CAPZB: variants seen among roughly 807,000 people sequenced by gnomAD.
CAPZB encodes the protein capping actin protein of muscle Z-line subunit beta, also known as F-actin-capping protein subunit beta.
A neutral mutation model predicts 38.1 loss-of-function variants in CAPZB; 2 were observed. The observed-to-expected ratio is 0.05, with a 90% CI of 0.02 to 0.17. The LOEUF is 0.17. Among genes scored for constraint, CAPZB ranks in the 10% least tolerant of loss-of-function variants. The pLI is 1.00. For synonymous variants in CAPZB, 107 were observed against 127.4 expected, an observed-to-expected ratio of 0.84 and a Z score of 1.08; for missense variants, 161 against 334.2, an observed-to-expected ratio of 0.48 and a Z score of 4.04.
At chr1:19,350,124 G>A (rs559610512) in intron 6 of CAPZB, among the ~76,000 whole-genome samples, 26 of 152,364 alleles carry the variant, frequency 1.7e-4, no homozygotes, top group African/African-American at 6.3e-4. Flanking sequence ...TTTGGAAGCT[G>A]GCAGCCTTTC....
At chr1:19,389,300 C>T (rs749140473) in intron 2 of CAPZB, among the ~76,000 whole-genome samples, 1 of 152,266 alleles carries the variant, frequency 6.6e-6, no homozygotes, top group South Asian at 2.1e-4. Context: ...CGTGCATTCC[C>T]CCACTTAAAC....
Position 19,357,639 on chromosome 1 carries a change from G to T in CAPZB, c.330-76C>A. On this transcript the variant is annotated intron_variant, in intron 4 of 8. Coordinates refer to ENST00000264202, the MANE Select transcript of CAPZB (RefSeq NM_004930.5). The surrounding 1 kb of genome is among the most constrained non-coding windows in gnomAD (Gnocchi z 4.3). ...AGCCTGGGTCCCAGGCTGCTGCTCA[G>T]CAAAGATTCTGGGATTCAGGGCCCT... 2 of 1,492,296 alleles carry T rather than the reference G, an allele frequency of 1.3e-6. No homozygotes were observed. The highest frequency in any genetic ancestry group is 1.2e-5 in the South Asian group (1 of 85,670). The allele number at this position is 1,492,296 out of a possible 1,614,324, so 92.4% of individuals were successfully genotyped here.
chr1:19,439,392 G>T (rs1454874183), intron 1 of CAPZB, among the ~76,000 whole-genome samples: 1 of 152,218 alleles, frequency 6.6e-6, no homozygotes, highest in African/African-American at 2.4e-5. Context: ...TGAATTAAAG[G>T]TCTTTTGTTC....
At chr1:19,477,249 G>C (rs976712756) in intron 1 of CAPZB, among the ~76,000 whole-genome samples, 3 of 152,172 alleles carry the variant, frequency 2.0e-5, no homozygotes, top group African/African-American at 7.2e-5. Context: ...AATGGACTCT[G>C]CTTAACCACA....
chr1:19,415,949 A>G (rs749836108), intron 2 of CAPZB, among the ~76,000 whole-genome samples: 29 of 152,272 alleles, frequency 1.9e-4, no homozygotes, highest in Non-Finnish European at 3.8e-4. Flanking sequence ...TAAAAAATTA[A>G]TGAGAACACC....
intron 1 of CAPZB, among the ~76,000 whole-genome samples, chr1:19,453,156 C>T (rs1345886485): frequency 6.6e-6 from 1 of 152,148 alleles, no homozygotes; most frequent in Non-Finnish European, 1.5e-5. Flanking sequence ...CCCAGATTGA[C>T]ACCTTCCAGC....
At chr1:19,441,925 C>A (rs1473786717) in intron 1 of CAPZB, among the ~76,000 whole-genome samples, 1 of 144,164 alleles carries the variant, frequency 6.9e-6, no homozygotes, top group Non-Finnish European at 1.5e-5. Context: ...AGGAGAATTG[C>A]TTGAACCGGG....
intron 1 of CAPZB, among the ~76,000 whole-genome samples, chr1:19,452,510 G>C (rs1040273110): frequency 2.0e-5 from 3 of 152,178 alleles, no homozygotes; most frequent in Non-Finnish European, 4.4e-5. Context: ...TGAGTTGTGG[G>C]CTGAGCTATC....
chr1:19,478,577 GA>G (rs1487433017), intron 1 of CAPZB, among the ~76,000 whole-genome samples: 4 of 152,206 alleles, frequency 2.6e-5, no homozygotes, highest in Non-Finnish European at 5.9e-5. Context: ...AGGAAGCACG[GA>G]AAAACGCAGG....
chr1:19,341,220 G>A (rs1174808683), intron 8 of CAPZB, among the ~76,000 whole-genome samples: 1 of 152,228 alleles, frequency 6.6e-6, no homozygotes, highest in Non-Finnish European at 1.5e-5. Context: ...ACTGTCCCTG[G>A]CTCTGCGGCG....
intron 6 of CAPZB, among the ~76,000 whole-genome samples, chr1:19,350,564 T>C (rs1236860214): frequency 1.3e-5 from 2 of 152,250 alleles, no homozygotes; most frequent in Admixed American, 6.5e-5. Flanking sequence ...TCTAGAATTG[T>C]ACATATTCAA....
chr1:19,446,412 A>C (rs1178770459), intron 1 of CAPZB, among the ~76,000 whole-genome samples: 1 of 152,356 alleles, frequency 6.6e-6, no homozygotes, highest in East Asian at 1.9e-4. Flanking sequence ...TGAGTGGAAG[A>C]TTATGAACTA....
rs1258731728 is a variant in CAPZB at position 19,357,684 on chromosome 1, G to A, written c.330-121C>T. On this transcript the variant is annotated intron_variant, in intron 4 of 8. Coordinates refer to ENST00000264202, the MANE Select transcript of CAPZB (RefSeq NM_004930.5). The surrounding 1 kb of genome is among the most constrained non-coding windows in gnomAD (Gnocchi z 4.3). ...GGCCCTCCCTGCGACAGTTATGGGA[G>A]CCGATCCTTGGGTGTGTTCTGATCG... 1.1e-6 allele frequency: 1 copy of A among 893,422 alleles called. No individual in the cohort carries two copies. Among genetic ancestry groups the A allele is most frequent in the Non-Finnish European group, 1.7e-6 (1 of 574,822 alleles). 55.3% of individuals were successfully genotyped at this position (893,422 alleles called of 1,614,324 possible). A position where few individuals can be genotyped will look rare whatever the true frequency, so the allele number is the denominator to read the frequency against.
intron 8 of CAPZB, among the ~76,000 whole-genome samples, chr1:19,340,225 CTG>C (rs1467142766): frequency 2.6e-5 from 4 of 152,228 alleles, no homozygotes; most frequent in Non-Finnish European, 4.4e-5. Flanking sequence ...TCTGAGCACA[CTG>C]TGTTTATGGC....
chr1:19,364,648 G>C (rs570820125), intron 4 of CAPZB, among the ~76,000 whole-genome samples: 1 of 152,156 alleles, frequency 6.6e-6, no homozygotes, highest in Non-Finnish European at 1.5e-5. Context: ...GCTTGTCAAT[G>C]TCCTTCATAA....
At chr1:19,358,553 A>G (rs544207619) in intron 4 of CAPZB, among the ~76,000 whole-genome samples, 1 of 152,350 alleles carries the variant, frequency 6.6e-6, no homozygotes, top group East Asian at 1.9e-4. Context: ...CCCAAACCCA[A>G]CAGACCCAGG....
At chr1:19,478,250 T>C (rs2094613897) in intron 1 of CAPZB, among the ~76,000 whole-genome samples, 1 of 152,186 alleles carries the variant, frequency 6.6e-6, no homozygotes, top group South Asian at 2.1e-4. Context: ...AAGAAGGAAC[T>C]AGCACCTGCC....
chr1:19,373,101 C>A (rs150665310), intron 4 of CAPZB, among the ~76,000 whole-genome samples: 1 of 152,102 alleles, frequency 6.6e-6, no homozygotes, highest in Non-Finnish European at 1.5e-5. Flanking sequence ...TCTTTCTGCC[C>A]CTGAGGATGG....
At chr1:19,435,304 T>G (rs1424877819) in intron 1 of CAPZB, among the ~76,000 whole-genome samples, 1 of 152,230 alleles carries the variant, frequency 6.6e-6, no homozygotes, top group Non-Finnish European at 1.5e-5. Flanking sequence ...CTGAGTGTTA[T>G]GTCTCAAGAA....
Sources: gnomAD v4.1 joint callset for allele counts (sites outside exome capture counted in the v4.1 genomes callset) on GRCh38, gnomAD v4.1.1 for gene constraint, Gnocchi (gnomAD v3.1) non-coding constraint, MANE v1.5 for transcripts, NCBI Gene and HGNC (gene_info 2026-07-23, HGNC 2026-07-21) for gene names.